Variants in SEC24A observed in about 807,000 individuals in gnomAD.
The protein encoded by SEC24A is SEC24 homolog A, COPII component.
Under a neutral mutation model 129.4 loss-of-function variants are expected in SEC24A, and 93 were observed. The observed-to-expected ratio is 0.72, with a 90% CI of 0.61 to 0.85. The LOEUF is 0.85. Ranked by LOEUF, SEC24A falls within the 40% of genes least tolerant of loss-of-function variation. The pLI, the probability that SEC24A is intolerant of heterozygous loss-of-function variation, is 0.00. For synonymous variants in SEC24A, 460 were observed against 467.3 expected, an observed-to-expected ratio of 0.98 and a Z score of 0.20; for missense variants, 1,264 against 1,307.4, an observed-to-expected ratio of 0.97 and a Z score of 0.51.
intron 13 of SEC24A, among the ~76,000 whole-genome samples, chr5:134,695,204 T>C (rs1156408686): frequency 6.6e-6 from 1 of 151,908 alleles, no homozygotes; most frequent in Non-Finnish European, 1.5e-5. Context: ...ACCCTGTCCC[T>C]ACAAAAATAC....
intron 15 of SEC24A, 76 bp from the exon 16 acceptor site, chr5:134,703,681 TGA>T: frequency 1.0e-6 from 1 of 975,862 alleles, no homozygotes; most frequent in South Asian, 1.5e-5. Context: ...TTTGCCAATC[TGA>T]TAAGTAACTA....
At chr5:134,676,718 G>C (rs1239612942) in intron 7 of SEC24A, among the ~76,000 whole-genome samples, 1 of 152,116 alleles carries the variant, frequency 6.6e-6, no homozygotes, top group African/African-American at 2.4e-5. Context: ...TTATAGGCCT[G>C]AGCCACTACA....
chr5:134,712,188 T>C (rs1752347341), intron 18 of SEC24A, among the ~76,000 whole-genome samples: 1 of 152,138 alleles, frequency 6.6e-6, no homozygotes, highest in African/African-American at 2.4e-5. Flanking sequence ...GTGTAGTTTT[T>C]TCCAGGTGAG....
At chr5:134,659,197 G>A (rs928041016) in intron 1 of SEC24A, among the ~76,000 whole-genome samples, 13 of 151,344 alleles carry the variant, frequency 8.6e-5, no homozygotes, top group South Asian at 2.1e-4. Context: ...TCAGCCTCCC[G>A]AGTAGCTGGG....
intron 5 of SEC24A, 33 bp from the exon 6 acceptor site, chr5:134,675,010 TAA>T (rs1475126802): frequency 2.0e-6 from 3 of 1,510,344 alleles, no homozygotes; most frequent in Middle Eastern, 1.8e-4. Context: ...ACACACTTAA[TAA>T]AAGTTACTTA....
At chr5:134,663,232 C>A (rs1750536038) in intron 2 of SEC24A, among the ~76,000 whole-genome samples, 2 of 152,038 alleles carry the variant, frequency 1.3e-5, no homozygotes, top group African/African-American at 4.8e-5. Flanking sequence ...CCTGGCTAAT[C>A]TTTTGTTCTT....
At chr5:134,721,881 A>C (rs1752637831) in intron 21 of SEC24A, among the ~76,000 whole-genome samples, 1 of 152,210 alleles carries the variant, frequency 6.6e-6, no homozygotes, top group Non-Finnish European at 1.5e-5. Context: ...CAAAAAATAA[A>C]TAAATAAAAG....
At chr5:134,718,282 T>G in intron 20 of SEC24A, 109 bp downstream of exon 20, 1 of 779,138 alleles carries the variant, frequency 1.3e-6, no homozygotes, top group Non-Finnish European at 2.2e-6. Flanking sequence ...GATTTCATAT[T>G]TTAACCTATA....
chr5:134,679,712 T>C lies in SEC24A; in HGVS notation c.1365T>C (p.Cys455=), dbSNP rs376534225. The change falls in exon 8 of 23, where the codon TGT becomes TGC. Residue 455 remains cysteine (C), a synonymous_variant. Coordinates refer to ENST00000398844, the MANE Select transcript of SEC24A (RefSeq NM_021982.3). ...AAAGGAGATGGAAGTGTAACTTATG[T>C]TATCGAGTCAATGATGGTATGGGAT... ...LDQRRWKCNL[C]YRVNDVPEEF... The C allele has an allele frequency of 2.5e-5, 40 of 1,593,422 alleles. No individual in the cohort carries two copies. Among genetic ancestry groups the C allele is most frequent in the Non-Finnish European group, 3.3e-5 (38 of 1,166,454 alleles).
intron 18 of SEC24A, among the ~76,000 whole-genome samples, chr5:134,711,563 C>CTT (rs11306983): frequency 1.6e-5 from 2 of 125,398 alleles, no homozygotes; most frequent in African/African-American, 5.9e-5. Flanking sequence ...TGCTCTGCAT[C>CTT]TTTTTTTTTT....
rs1486601135 is a variant in SEC24A, at chr5:134,674,761, CA to C, written c.966del (p.Ala323ProfsTer7). On this transcript the variant is annotated frameshift_variant, in exon 5 of 23. Transcript: ENST00000398844. LOFTEE classifies it high-confidence loss of function. ...TTCCTTGAATTACCCAAGTGGGCCA[CA>C]AGCCTTTACTCAGGTAAACTTTTTG... ...PSSLNYPSGP[Q>X]AFTQTPLGAN... 3 of 1,613,390 alleles carry C rather than the reference CA, an allele frequency of 1.9e-6. No individual in the cohort carries two copies. The highest frequency in any genetic ancestry group is 2.5e-6 in the Non-Finnish European group (3 of 1,179,712).
chr5:134,721,287 C>T (rs762984948), intron 21 of SEC24A, among the ~76,000 whole-genome samples, 197 bp downstream of exon 21: 5 of 151,928 alleles, frequency 3.3e-5, no homozygotes, highest in African/African-American at 4.8e-5. Context: ...GCAGATATGC[C>T]AGCCACAGCG....
At chr5:134,704,554 A>T (rs764872192) in intron 16 of SEC24A, among the ~76,000 whole-genome samples, 70 of 152,170 alleles carry the variant, frequency 4.6e-4, no homozygotes, top group Admixed American at 1.2e-3. Context: ...TAAACCTAGC[A>T]CTTTGGAAGG....
chr5:134,696,506 A>G (rs929155946), intron 13 of SEC24A, among the ~76,000 whole-genome samples: 9 of 152,000 alleles, frequency 5.9e-5, no homozygotes, highest in African/African-American at 2.2e-4. Flanking sequence ...AAAAACATAT[A>G]TATATTTTTT....
chr5:134,676,017 A>G lies in SEC24A; in HGVS notation c.1152-6A>G. ...CAACTGATACATACTTTTTACTTTG[A>G]TATAGGTTATTTCGATGCACGCTGA... On this transcript the variant is annotated splice_polypyrimidine_tract_variant and splice_region_variant and intron_variant, in intron 6 of 22. Coordinates refer to ENST00000398844, the MANE Select transcript of SEC24A (RefSeq NM_021982.3). The G allele has an allele frequency of 6.3e-6, 10 of 1,585,098 alleles. No individual in the cohort carries two copies. The highest frequency in any genetic ancestry group is 7.7e-6 in the Non-Finnish European group (9 of 1,168,682).
chr5:134,658,352 G>A (rs1302869324), intron 1 of SEC24A, among the ~76,000 whole-genome samples: 2 of 152,156 alleles, frequency 1.3e-5, no homozygotes, highest in Non-Finnish European at 2.9e-5. Flanking sequence ...CAGTTGATTT[G>A]ATTGTTTTAA....
rs766433633 is a variant in SEC24A at position 134,716,881 on chromosome 5, C to CT, written c.2866-1173dup. On this transcript the variant is annotated intron_variant, in intron 19 of 22. Coordinates refer to ENST00000398844, the MANE Select transcript of SEC24A (RefSeq NM_021982.3). ...TATGAAATTTGAGGTAACTTTTTTA[C>CT]TTTTTTTTTTTTTTTGAGACAGGGT... Among the ~76,000 whole-genome samples the CT allele has an allele frequency of 9.6e-3, 1,259 of 131,780 alleles. 16 individuals carry two copies. Among genetic ancestry groups the CT allele is most frequent in the African/African-American group, 0.028 (1,017 of 36,398 alleles). 86.5% of individuals were successfully genotyped at this position (131,780 alleles called of 152,430 possible).
intron 13 of SEC24A, among the ~76,000 whole-genome samples, chr5:134,695,998 G>A (rs1318368498): frequency 6.6e-6 from 1 of 151,504 alleles, no homozygotes; most frequent in Non-Finnish European, 1.5e-5. Flanking sequence ...CAGGTGTGGT[G>A]GCTCACACCT....
rs1752544849 is a variant in SEC24A at position 134,718,621 on chromosome 5, A to G, written c.2970+448A>G. ...CTTGACGCTGTATAGGCCTGGGCTA[A>G]TGTGTGTTTGTGTTTCAGTATTTAA... is the stretch of plus-strand genomic sequence containing the variant. On this transcript the variant is annotated intron_variant, in intron 20 of 22. Transcript: ENST00000398844. Among the ~76,000 whole-genome samples, 4 of 152,152 alleles carry G rather than the reference A, an allele frequency of 2.6e-5. No homozygotes were observed. The South Asian group carries it at 8.3e-4, about 32-fold the overall frequency.
Sources: allele counts gnomAD v4.1 joint callset (sites outside exome capture counted in the v4.1 genomes callset), GRCh38; gene constraint gnomAD v4.1.1; transcripts MANE v1.5; gene names NCBI Gene and HGNC (gene_info 2026-07-23, HGNC 2026-07-21).